Variants in CSMD1 observed in about 807,000 individuals in gnomAD.
The protein encoded by CSMD1 is CUB and Sushi multiple domains 1.
CSMD1 carries 213 observed loss-of-function variants against 417.5 expected under a neutral mutation model. The observed-to-expected ratio is 0.51, with a 90% CI of 0.46 to 0.57. The LOEUF (loss-of-function observed/expected upper bound fraction) is 0.57, where lower values mean the gene tolerates loss of function less well. Ranked by LOEUF, CSMD1 falls within the 20% of genes least tolerant of loss-of-function variation. The pLI, the probability that CSMD1 is intolerant of heterozygous loss-of-function variation, is 0.00. For synonymous variants in CSMD1, 2,862 were observed against 1,736.8 expected (o/e 1.65, Z -16.11); for missense variants, 6,923 against 4,529.7 (o/e 1.53, Z -15.17).
intron 8 of CSMD1, among the ~76,000 whole-genome samples, chr8:3,614,712 G>A (rs1054162430): frequency 1.2e-4 from 19 of 152,198 alleles, no homozygotes; most frequent in African/African-American, 4.3e-4. Flanking sequence ...TACAAGATGG[G>A]CAGTTCCTCT....
chr8:3,455,924 G>T (rs543056188), intron 12 of CSMD1, among the ~76,000 whole-genome samples: 1 of 152,220 alleles, frequency 6.6e-6, no homozygotes, highest in African/African-American at 2.4e-5. Context: ...GTCTACAGAG[G>T]CAGGCAGGCC....
chr8:4,923,666 T>C (rs1195223377), intron 1 of CSMD1, among the ~76,000 whole-genome samples: 1 of 152,180 alleles, frequency 6.6e-6, no homozygotes, highest in Non-Finnish European at 1.5e-5. Context: ...TCTCTCCTGG[T>C]ATACCTATCC....
chr8:3,862,338 T>C (rs1443169555), intron 5 of CSMD1, among the ~76,000 whole-genome samples: 1 of 152,234 alleles, frequency 6.6e-6, no homozygotes, highest in African/African-American at 2.4e-5. Flanking sequence ...GTCCACCAGG[T>C]GACCTCACTT....
chr8:4,120,136 C>T (rs1437868832), intron 3 of CSMD1, among the ~76,000 whole-genome samples: 2 of 152,092 alleles, frequency 1.3e-5, no homozygotes, highest in Admixed American at 6.5e-5. Flanking sequence ...TACTACACAT[C>T]GCATGCCTGT....
At chr8:4,941,439 C>T (rs958370356) in intron 1 of CSMD1, among the ~76,000 whole-genome samples, 1 of 152,078 alleles carries the variant, frequency 6.6e-6, no homozygotes, top group African/African-American at 2.4e-5. Flanking sequence ...TATAGGAAGC[C>T]ATGTTGTACA....
chr8:4,894,358 A>G (rs1371063266), intron 1 of CSMD1, among the ~76,000 whole-genome samples: 4 of 151,926 alleles, frequency 2.6e-5, no homozygotes, highest in Non-Finnish European at 5.9e-5. Flanking sequence ...TAGATTCTTA[A>G]AAACACTTAG....
At chr8:4,946,126 G>T (rs951546060) in intron 1 of CSMD1, among the ~76,000 whole-genome samples, 1 of 152,018 alleles carries the variant, frequency 6.6e-6, no homozygotes, top group Non-Finnish European at 1.5e-5. Context: ...AGTCCAATCG[G>T]GTTACAGGGA....
chr8:4,216,799 A>G (rs1307598936), intron 3 of CSMD1, among the ~76,000 whole-genome samples: 1 of 152,220 alleles, frequency 6.6e-6, no homozygotes, highest in Non-Finnish European at 1.5e-5. Flanking sequence ...ATGAAATTAC[A>G]CACAGAATTC....
At chr8:3,799,452 T>A (rs1047916604) in intron 5 of CSMD1, among the ~76,000 whole-genome samples, 2 of 135,888 alleles carry the variant, frequency 1.5e-5, no homozygotes. Context: ...TGTGTCCAAG[T>A]GTTCTCACTG....
At chr8:4,364,389 G>A (rs916243342) in intron 3 of CSMD1, among the ~76,000 whole-genome samples, 1 of 152,004 alleles carries the variant, frequency 6.6e-6, no homozygotes, top group Non-Finnish European at 1.5e-5. Flanking sequence ...CCTGTTTACT[G>A]TTATAGCTTC....
intron 10 of CSMD1, among the ~76,000 whole-genome samples, chr8:3,550,687 C>A (rs1266135541): frequency 6.6e-6 from 1 of 152,160 alleles, no homozygotes; most frequent in Non-Finnish European, 1.5e-5. Flanking sequence ...CACCTGAAAT[C>A]TTGCTATTTG....
intron 1 of CSMD1, among the ~76,000 whole-genome samples, chr8:4,678,449 C>G (rs1269881455): frequency 6.6e-6 from 1 of 152,080 alleles, no homozygotes; most frequent in Non-Finnish European, 1.5e-5. Flanking sequence ...AAACTAAAAA[C>G]TATCACATTT....
At chr8:3,239,890 T>C (rs549132066) in intron 26 of CSMD1, among the ~76,000 whole-genome samples, 9 of 152,096 alleles carry the variant, frequency 5.9e-5, no homozygotes, top group East Asian at 1.9e-4. Flanking sequence ...GGAGGCTGGA[T>C]TGAAGTCCGG....
At chr8:3,559,826 AC>A (rs1799392714) in intron 10 of CSMD1, among the ~76,000 whole-genome samples, 1 of 152,210 alleles carries the variant, frequency 6.6e-6, no homozygotes, top group Admixed American at 6.5e-5. Context: ...AGGGATTAAA[AC>A]AAAACATATG....
chr8:3,968,311 G>A (rs934477954), intron 5 of CSMD1, among the ~76,000 whole-genome samples: 1 of 152,150 alleles, frequency 6.6e-6, no homozygotes, highest in African/African-American at 2.4e-5. Context: ...TAGGCAGCAT[G>A]AGTATTGCCT....
rs147064945 is a variant in CSMD1 at position 4,795,513 on chromosome 8, C to T, written c.86-157955G>A. 1.6e-4 allele frequency among the ~76,000 whole-genome samples: 25 copies of T among 151,882 alleles called. No homozygotes were observed. In the East Asian group the frequency reaches 2.9e-3, roughly 18 times the overall value. ...TCTCGATATCCTGACCTGCCCACCTCGGCCTTCCAAAGTTCTGGTATTGCA... is the reference window on the plus strand; with the variant it reads ...TCTCGATATCCTGACCTGCCCACCTTGGCCTTCCAAAGTTCTGGTATTGCA... On this transcript the variant is annotated intron_variant, in intron 1 of 69. Coordinates refer to ENST00000635120, the MANE Select transcript of CSMD1 (RefSeq NM_033225.6).
intron 5 of CSMD1, among the ~76,000 whole-genome samples, chr8:3,916,460 A>T (rs2948651): frequency 0.22 from 33,289 of 152,100 alleles, 4,342 homozygotes; most frequent in African/African-American, 0.35. Context: ...GACATTACTT[A>T]TACATAAAGG....
chr8:4,275,409 G>A (rs1055560023), intron 3 of CSMD1, among the ~76,000 whole-genome samples: 1 of 152,042 alleles, frequency 6.6e-6, no homozygotes, highest in South Asian at 2.1e-4. Context: ...GGACAAAGGA[G>A]AATAAATACA....
chr8:3,305,633 C>A (rs928007827), intron 25 of CSMD1, among the ~76,000 whole-genome samples: 1 of 152,144 alleles, frequency 6.6e-6, no homozygotes, highest in African/African-American at 2.4e-5. Flanking sequence ...CCTTGGACTT[C>A]CCATCCTCCA....
Sources: gnomAD v4.1 joint callset for allele counts (sites outside exome capture counted in the v4.1 genomes callset) on GRCh38, gnomAD v4.1.1 for gene constraint, MANE v1.5 for transcripts, NCBI Gene and HGNC (gene_info 2026-07-23, HGNC 2026-07-21) for gene names.